The following TRAPPC9 variants were observed in gnomAD, a reference collection of about 807,000 sequenced individuals.
TRAPPC9 encodes the protein trafficking protein particle complex subunit 9.
Under a neutral mutation model 124.0 loss-of-function variants are expected in TRAPPC9, and 83 were observed. That is an observed-to-expected ratio of 0.67 (90% CI 0.56 to 0.80). TRAPPC9 has a LOEUF of 0.80. Among genes scored for constraint, TRAPPC9 ranks in the 30% least tolerant of loss-of-function variants. The pLI is 0.00. For synonymous variants in TRAPPC9, 638 were observed against 617.5 expected, an observed-to-expected ratio of 1.03 and a Z score of -0.49; for missense variants, 1,302 against 1,508.3, an observed-to-expected ratio of 0.86 and a Z score of 2.27.
At chr8:140,370,760 C>T (rs1364347954) in intron 8 of TRAPPC9, among the ~76,000 whole-genome samples, 7 of 152,344 alleles carry the variant, frequency 4.6e-5, no homozygotes, top group Non-Finnish European at 1.0e-4. Context: ...GATAAAGATT[C>T]AAGAATCCGA....
chr8:139,734,454 C>G (rs1643989), intron 21 of TRAPPC9, among the ~76,000 whole-genome samples: 19,926 of 152,152 alleles, frequency 0.13, 1,407 homozygotes, highest in South Asian at 0.23. Context: ...ATATTGAGCT[C>G]TGTCTGAATT....
chr8:140,148,498 T>C (rs1373278759), intron 17 of TRAPPC9, among the ~76,000 whole-genome samples: 1 of 152,184 alleles, frequency 6.6e-6, no homozygotes, highest in Non-Finnish European at 1.5e-5. Flanking sequence ...TCATCCTCAC[T>C]GTCCAGAGTC....
At chr8:140,280,163 T>G (rs1210696592) in intron 14 of TRAPPC9, among the ~76,000 whole-genome samples, 1 of 152,216 alleles carries the variant, frequency 6.6e-6, no homozygotes, top group African/African-American at 2.4e-5. Context: ...CGGACAGCAG[T>G]GGCAGAATTT....
At chr8:140,249,705 G>A (rs1002539413) in intron 16 of TRAPPC9, among the ~76,000 whole-genome samples, 4 of 144,612 alleles carry the variant, frequency 2.8e-5, no homozygotes, top group Non-Finnish European at 4.5e-5. Context: ...CCGGGTTCAC[G>A]CCATTCTCCC....
intron 17 of TRAPPC9, among the ~76,000 whole-genome samples, chr8:140,206,824 AG>A (rs1009134887): frequency 9.2e-5 from 14 of 151,984 alleles, no homozygotes; most frequent in African/African-American, 3.1e-4. Flanking sequence ...CCTTTGGCTT[AG>A]AATGCCTTTC....
At chr8:140,294,031 C>T (rs984320145) in intron 11 of TRAPPC9, among the ~76,000 whole-genome samples, 3 of 152,032 alleles carry the variant, frequency 2.0e-5, no homozygotes, top group Non-Finnish European at 2.9e-5. Flanking sequence ...GCCCGTTCTA[C>T]AAAAAAGGAG....
chr8:140,390,325 A>G (rs556905400), intron 7 of TRAPPC9, among the ~76,000 whole-genome samples: 21 of 152,222 alleles, frequency 1.4e-4, no homozygotes, highest in Admixed American at 1.4e-3. Flanking sequence ...AATAAATAAA[A>G]AGAGATAAAT....
intron 17 of TRAPPC9, among the ~76,000 whole-genome samples, chr8:140,146,318 A>C (rs529049009): frequency 2.0e-4 from 31 of 152,394 alleles, no homozygotes; most frequent in African/African-American, 7.0e-4. Context: ...TGCAGGAGGC[A>C]GCTGTGGGGG....
At chr8:140,165,757 G>A (rs964581515) in intron 17 of TRAPPC9, among the ~76,000 whole-genome samples, 5 of 152,016 alleles carry the variant, frequency 3.3e-5, no homozygotes, top group African/African-American at 1.2e-4. Flanking sequence ...TGCAAGGCAG[G>A]AGCAGAGCCA....
At chr8:140,027,852 A>C (rs1840250953) in intron 17 of TRAPPC9, among the ~76,000 whole-genome samples, 1 of 152,126 alleles carries the variant, frequency 6.6e-6, no homozygotes, top group Admixed American at 6.5e-5. Context: ...ACAGTCAAAC[A>C]CTTATAAAAC....
chr8:140,450,264 G>A (rs533762951), intron 2 of TRAPPC9, among the ~76,000 whole-genome samples: 1 of 152,278 alleles, frequency 6.6e-6, no homozygotes, highest in Admixed American at 6.5e-5. Flanking sequence ...GGGAGGCTGA[G>A]GCATGAGAAT....
intron 21 of TRAPPC9, among the ~76,000 whole-genome samples, chr8:139,732,948 C>T (rs1039325117): frequency 1.3e-5 from 2 of 152,106 alleles, no homozygotes; most frequent in African/African-American, 4.8e-5. Flanking sequence ...GAGGACGCCT[C>T]CTAACTGGGC....
upstream of TRAPPC9, chr8:140,458,336 G>A (rs571091006): frequency 1.1e-5 from 18 of 1,582,642 alleles, no homozygotes; most frequent in African/African-American, 2.7e-5. Context: ...CTCAGGGGTG[G>A]AGGCCCCGCG....
intron 20 of TRAPPC9, among the ~76,000 whole-genome samples, chr8:139,900,977 TAAATAAATAAATAAATAAATAAATA>T (rs1474112731): frequency 9.1e-6 from 1 of 109,570 alleles, no homozygotes; most frequent in Non-Finnish European, 1.8e-5. Flanking sequence ...CTCTCAAAAA[TAAATAAATAAATAAATAAATAAATA>T]AAATAAATAA....
chr8:140,316,305 A>G (rs947587560), intron 9 of TRAPPC9, among the ~76,000 whole-genome samples: 1 of 152,178 alleles, frequency 6.6e-6, no homozygotes, highest in Non-Finnish European at 1.5e-5. Context: ...AGAGTCAAGG[A>G]AACTTTTCTT....
chr8:140,028,918 A>G lies in TRAPPC9; in HGVS notation c.2557-4839T>C, dbSNP rs149188672. Among the ~76,000 whole-genome samples, 345 of 152,338 alleles carry G rather than the reference A, an allele frequency of 2.3e-3. 2 individuals carry two copies. Among genetic ancestry groups the G allele is most frequent in the African/African-American group, 8.1e-3 (338 of 41,578 alleles). On this transcript the variant is annotated intron_variant, in intron 17 of 22. Coordinates refer to ENST00000438773, the MANE Select transcript of TRAPPC9 (RefSeq NM_001160372.4). Reference sequence around the variant, plus strand: ...TCAATTGAAAATGGATAAATAATGGAAAAAAACAACTATACTAAAACCTAC... The same window carrying G: ...TCAATTGAAAATGGATAAATAATGGGAAAAAACAACTATACTAAAACCTAC...
chr8:140,051,675 T>C (rs1587598736), intron 17 of TRAPPC9, among the ~76,000 whole-genome samples: 1 of 150,984 alleles, frequency 6.6e-6, no homozygotes, highest in Non-Finnish European at 1.5e-5. Flanking sequence ...CTCTAGAGAT[T>C]TATAGTAAAT....
intron 9 of TRAPPC9, among the ~76,000 whole-genome samples, chr8:140,345,864 C>T (rs1303350209): frequency 6.6e-6 from 1 of 152,134 alleles, no homozygotes; most frequent in African/African-American, 2.4e-5. Context: ...GGTGGAGACT[C>T]CTGGAGATGG....
At chr8:140,026,158 C>T (rs186831609) in intron 17 of TRAPPC9, among the ~76,000 whole-genome samples, 18 of 152,252 alleles carry the variant, frequency 1.2e-4, no homozygotes, top group African/African-American at 4.3e-4. Flanking sequence ...GAGAATCAAC[C>T]GTGTTGAATC....
Sources: allele counts gnomAD v4.1 joint callset (sites outside exome capture counted in the v4.1 genomes callset), GRCh38; gene constraint gnomAD v4.1.1; transcripts MANE v1.5; gene names NCBI Gene and HGNC (gene_info 2026-07-23, HGNC 2026-07-21).